Variants in SSR1 observed in about 807,000 individuals in gnomAD.
SSR1 encodes the protein translocon-associated protein subunit alpha.
Under a neutral mutation model 36.1 loss-of-function variants are expected in SSR1, and 13 were observed. That is an observed-to-expected ratio of 0.36 (90% CI 0.23 to 0.57). The LOEUF (loss-of-function observed/expected upper bound fraction) is 0.57, where lower values mean the gene tolerates loss of function less well. Ranked by LOEUF, SSR1 falls within the 20% of genes least tolerant of loss-of-function variation. The pLI is 0.81. For missense variants in SSR1, 291 were observed against 338.5 expected (o/e 0.86, Z 1.10); for synonymous variants, 113 against 118.9 (o/e 0.95, Z 0.32).
Position 7,285,136 on chromosome 6 carries a change from C to T in SSR1, c.*4728G>A, listed in dbSNP as rs1757520765. 1 of 152,236 alleles carries T rather than the reference C, an allele frequency of 6.6e-6. No homozygotes were observed. The highest frequency in any genetic ancestry group is 2.1e-4 in the South Asian group (1 of 4,818). 9.4% of individuals were successfully genotyped at this position (152,236 alleles called of 1,614,324 possible). ...TGAACTAGAAGCTGGGGATGAAAAA[C>T]AAGCCAGATACAGAGCTCACAGTCC... is the stretch of plus-strand genomic sequence containing the variant. On this transcript the variant is annotated 3_prime_UTR_variant, in exon 8 of 8. Transcript: ENST00000244763. The surrounding 1 kb of genome is among the most constrained non-coding windows in gnomAD (Gnocchi z 4.1).
chr6:7,311,087 T>C (rs111884078), intron 1 of SSR1, among the ~76,000 whole-genome samples: 1 of 152,202 alleles, frequency 6.6e-6, no homozygotes, highest in Non-Finnish European at 1.5e-5. Context: ...AAACATTGTT[T>C]AGTAAAAACT....
In SSR1 at chr6:7,282,763, C is replaced by T. The variant is rs1757455995; in HGVS notation, c.*7101G>A. On this transcript the variant is annotated 3_prime_UTR_variant, in exon 8 of 8. Coordinates refer to ENST00000244763, the MANE Select transcript of SSR1 (RefSeq NM_003144.5). ...CTCAGCCTCCTCTAGATCTGATTCC[C>T]ACAGTGGAGGGACAAAGGGCCAGCA... The T allele has an allele frequency of 2.0e-5, 3 of 152,324 alleles. No individual in the cohort carries two copies. The South Asian group carries it at 6.2e-4, about 32-fold the overall frequency. The allele number at this position is 152,324 out of a possible 1,614,324, so 9.4% of individuals were successfully genotyped here. A position where few individuals can be genotyped will look rare whatever the true frequency, so the allele number is the denominator to read the frequency against.
chr6:7,283,206 A>C lies in SSR1; in HGVS notation c.*6658T>G, dbSNP rs1561824675. 1 of 152,134 alleles carries C rather than the reference A, an allele frequency of 6.6e-6. No individual in the cohort carries two copies. Among genetic ancestry groups the C allele is most frequent in the Non-Finnish European group, 1.5e-5 (1 of 68,074 alleles). The allele number at this position is 152,134 out of a possible 1,614,324, so 9.4% of individuals were successfully genotyped here. A position where few individuals can be genotyped will look rare whatever the true frequency, so the allele number is the denominator to read the frequency against. On this transcript the variant is annotated 3_prime_UTR_variant, in exon 8 of 8. Coordinates refer to ENST00000244763, the MANE Select transcript of SSR1 (RefSeq NM_003144.5). ...GTGATTCTCCTGCCTCAGCCTCATG[A>C]GTAGCTGGGATTACAGGCGTGCACC...
Position 7,284,495 on chromosome 6 carries a change from A to T in SSR1, c.*5369T>A, listed in dbSNP as rs1234926018. 2.6e-5 allele frequency: 4 copies of T among 152,176 alleles called. No homozygotes were observed. The highest frequency in any genetic ancestry group is 4.4e-5 in the Non-Finnish European group (3 of 68,036). 9.4% of individuals were successfully genotyped at this position (152,176 alleles called of 1,614,324 possible). On this transcript the variant is annotated 3_prime_UTR_variant, in exon 8 of 8. Transcript: ENST00000244763. Reference sequence around the variant, plus strand: ...GGTACCATATACTCTTCCCCGCCCCATGCTTCATGGGATGTTATTACAGTA... The same window carrying T: ...GGTACCATATACTCTTCCCCGCCCCTTGCTTCATGGGATGTTATTACAGTA...
In SSR1 at chr6:7,285,949, A is replaced by C. The variant is rs1371848445; in HGVS notation, c.*3915T>G. 1 of 152,234 alleles carries C rather than the reference A, an allele frequency of 6.6e-6. No individual in the cohort carries two copies. Among genetic ancestry groups the C allele is most frequent in the African/African-American group, 2.4e-5 (1 of 41,456 alleles). The allele number at this position is 152,234 out of a possible 1,614,324, so 9.4% of individuals were successfully genotyped here. ...GTATTGTGGGTAACTGAATTATCAT[A>C]GATACAATACAGCAAGTATATATGG... On this transcript the variant is annotated 3_prime_UTR_variant, in exon 8 of 8. Transcript: ENST00000244763. The surrounding 1 kb of genome is among the most constrained non-coding windows in gnomAD (Gnocchi z 4.1).
At chr6:7,298,064 A>T in intron 5 of SSR1, 63 bp from the exon 6 acceptor site, 1 of 1,215,146 alleles carries the variant, frequency 8.2e-7, no homozygotes, top group East Asian at 2.4e-5. Context: ...GTCTAATTAC[A>T]ACTATAATTA....
Position 7,298,990 on chromosome 6 carries a change from A to G in SSR1, c.544-167T>C, listed in dbSNP as rs1757865313. The G allele has an allele frequency of 6.7e-6, 4 of 597,360 alleles. No individual in the cohort carries two copies. The East Asian group carries it at 1.1e-4, about 17-fold the overall frequency. The allele number at this position is 597,360 out of a possible 1,614,324, so 37.0% of individuals were successfully genotyped here. Reference sequence around the variant, plus strand: ...TGCAATATTCTGTGGCAGGGACTCAACATTGTTATTTTCTCACATGAAATA... The same window carrying G: ...TGCAATATTCTGTGGCAGGGACTCAGCATTGTTATTTTCTCACATGAAATA... On this transcript the variant is annotated intron_variant, in intron 4 of 7. Coordinates refer to ENST00000244763, the MANE Select transcript of SSR1 (RefSeq NM_003144.5).
At chr6:7,306,260 A>G (rs1758050381) in intron 2 of SSR1, among the ~76,000 whole-genome samples, 1 of 152,080 alleles carries the variant, frequency 6.6e-6, no homozygotes, top group Non-Finnish European at 1.5e-5. Flanking sequence ...CTCCTGCCTC[A>G]GCCTCCCAAG....
At chr6:7,294,870 T>G (rs1221719228) in intron 7 of SSR1, among the ~76,000 whole-genome samples, 3 of 152,220 alleles carry the variant, frequency 2.0e-5, no homozygotes, top group East Asian at 1.9e-4. Flanking sequence ...GGTTAGTATT[T>G]TAACTGAATA....
rs71750113 is a variant in SSR1 at position 7,293,173 on chromosome 6, CTT to C, written c.793+2217_793+2218del. Among the ~76,000 whole-genome samples, 582 of 145,084 alleles carry C rather than the reference CTT, an allele frequency of 4.0e-3. 6 individuals are homozygous for C. Among genetic ancestry groups the C allele is most frequent in the African/African-American group, 0.014 (545 of 39,742 alleles). On this transcript the variant is annotated intron_variant, in intron 7 of 7. Transcript: ENST00000244763. The stretch of plus-strand genomic sequence containing the variant: ...GGTATCCTGCAAAAACTGTGATTTC[CTT>C]TTTTTTTTTTTAATAGATTTTATTT...
Position 7,289,511 on chromosome 6 carries a change from G to A in SSR1, c.*353C>T, listed in dbSNP as rs1757631155. 4.5e-6 allele frequency: 1 copy of A among 222,496 alleles called. No homozygotes were observed. The highest frequency in any genetic ancestry group is 6.7e-5 in the Admixed American group (1 of 15,012). 13.8% of individuals were successfully genotyped at this position (222,496 alleles called of 1,614,324 possible). ...AGTGGGTAAATATTAACTGAGTTTTGGGGGAAAAAATCAGAAAATGTCAAA... is the reference window on the plus strand; with the variant it reads ...AGTGGGTAAATATTAACTGAGTTTTAGGGGAAAAAATCAGAAAATGTCAAA... On this transcript the variant is annotated 3_prime_UTR_variant, in exon 8 of 8. Transcript: ENST00000244763.
chr6:7,304,812 T>A (rs999292434), intron 2 of SSR1, among the ~76,000 whole-genome samples: 2 of 152,206 alleles, frequency 1.3e-5, no homozygotes, highest in African/African-American at 2.4e-5. Context: ...TTTATTGGCA[T>A]TTAACTTTTC....
At chr6:7,304,884 T>C (rs985378432) in intron 2 of SSR1, among the ~76,000 whole-genome samples, 2 of 152,230 alleles carry the variant, frequency 1.3e-5, no homozygotes, top group Non-Finnish European at 2.9e-5. Flanking sequence ...GATTATCTCA[T>C]AATTTTAAAA....
rs537422060 is a variant in SSR1 at position 7,287,955 on chromosome 6, T to A, written c.*1909A>T. ...AAAAAAAATGACAAATAATAAATTC[T>A]ACATTTCCGAGGCACTAATTTGAAC... On this transcript the variant is annotated 3_prime_UTR_variant, in exon 8 of 8. Coordinates refer to ENST00000244763, the MANE Select transcript of SSR1 (RefSeq NM_003144.5). 6.6e-6 allele frequency: 1 copy of A among 152,374 alleles called. No individual in the cohort carries two copies. Among genetic ancestry groups the A allele is most frequent in the Non-Finnish European group, 1.5e-5 (1 of 68,022 alleles). The allele number at this position is 152,374 out of a possible 1,614,324, so 9.4% of individuals were successfully genotyped here.
rs1345463210 is a variant in SSR1 at position 7,284,939 on chromosome 6, C to T, written c.*4925G>A. 1 of 152,106 alleles carries T rather than the reference C, an allele frequency of 6.6e-6. No individual in the cohort carries two copies. The highest frequency in any genetic ancestry group is 1.5e-5 in the Non-Finnish European group (1 of 68,012). The allele number at this position is 152,106 out of a possible 1,614,324, so 9.4% of individuals were successfully genotyped here. On this transcript the variant is annotated 3_prime_UTR_variant, in exon 8 of 8. Coordinates refer to ENST00000244763, the MANE Select transcript of SSR1 (RefSeq NM_003144.5). Reference sequence around the variant, plus strand: ...TCAAGACCCAGAGGTCTCCTAATTCCCACGCTAGCACACCATACCACCCCT... The same window carrying T: ...TCAAGACCCAGAGGTCTCCTAATTCTCACGCTAGCACACCATACCACCCCT...
rs1034035484 is a variant in SSR1, at chr6:7,284,953, C to T, written c.*4911G>A. 2 of 152,198 alleles carry T rather than the reference C, an allele frequency of 1.3e-5. No homozygotes were observed. The highest frequency in any genetic ancestry group is 4.8e-5 in the African/African-American group (2 of 41,432). The allele number at this position is 152,198 out of a possible 1,614,324, so 9.4% of individuals were successfully genotyped here. On this transcript the variant is annotated 3_prime_UTR_variant, in exon 8 of 8. Transcript: ENST00000244763. ...TCTCCTAATTCCCACGCTAGCACAC[C>T]ATACCACCCCTTTGTTCAACCTCAC...
intron 2 of SSR1, among the ~76,000 whole-genome samples, chr6:7,308,296 C>A (rs971859283): frequency 6.6e-6 from 1 of 151,826 alleles, no homozygotes; most frequent in African/African-American, 2.4e-5. Context: ...TCAAAAACAC[C>A]AATAAAATAG....
At position 7,289,815 on chromosome 6, in the gene SSR1, A is replaced by C; in HGVS notation, c.*49T>G. On this transcript the variant is annotated 3_prime_UTR_variant, in exon 8 of 8. Coordinates refer to ENST00000244763, the MANE Select transcript of SSR1 (RefSeq NM_003144.5). ...TGCACTAATTCCCATCAGGCCGAAA[A>C]ATATTAGGGCAGGTTAAGTAAAGAC... 6.5e-7 allele frequency: 1 copy of C among 1,533,320 alleles called. No homozygotes were observed. The highest frequency in any genetic ancestry group is 1.3e-5 in the South Asian group (1 of 77,728). 95.0% of individuals were successfully genotyped at this position (1,533,320 alleles called of 1,614,324 possible). A position where few individuals can be genotyped will look rare whatever the true frequency, so the allele number is the denominator to read the frequency against.
Position 7,310,579 on chromosome 6 carries a change from C to T in SSR1, c.80-550G>A, listed in dbSNP as rs1320520170. ...TCTAAATGTAATCCCTGTCATTAAC[C>T]ATACAAAGCAAACTAAACAACCCCC... On this transcript the variant is annotated intron_variant, in intron 1 of 7. Transcript: ENST00000244763. Among the ~76,000 whole-genome samples, 3 of 152,110 alleles carry T rather than the reference C, an allele frequency of 2.0e-5. No homozygotes were observed. The East Asian group carries it at 5.8e-4, about 29-fold the overall frequency.
Sources: gnomAD v4.1 joint callset for allele counts (sites outside exome capture counted in the v4.1 genomes callset) on GRCh38, gnomAD v4.1.1 for gene constraint, Gnocchi (gnomAD v3.1) non-coding constraint, MANE v1.5 for transcripts, NCBI Gene and HGNC (gene_info 2026-07-23, HGNC 2026-07-21) for gene names.